CADPS2: variants seen among roughly 807,000 people sequenced by gnomAD.
The protein encoded by CADPS2 is calcium-dependent secretion activator 2.
A neutral mutation model predicts 172.5 loss-of-function variants in CADPS2; 93 were observed. The observed-to-expected ratio is 0.54, with a 90% CI of 0.46 to 0.64. CADPS2 has a LOEUF of 0.64. CADPS2 is among the 30% of genes least tolerant of loss of function. The pLI is 0.00. For synonymous variants in CADPS2, 546 were observed against 555.2 expected, an observed-to-expected ratio of 0.98 and a Z score of 0.23; for missense variants, 1,420 against 1,565.9, an observed-to-expected ratio of 0.91 and a Z score of 1.57.
At chr7:122,515,287 GT>G (rs1174598717) in intron 8 of CADPS2, among the ~76,000 whole-genome samples, 1 of 151,956 alleles carries the variant, frequency 6.6e-6, no homozygotes, top group Non-Finnish European at 1.5e-5. Flanking sequence ...CCTGTTCATT[GT>G]TTTTTCTCAA....
chr7:122,663,186 G>A (rs1189149962), intron 3 of CADPS2, 51 bp downstream of exon 3: 26 of 1,302,300 alleles, frequency 2.0e-5, no homozygotes, highest in African/African-American at 4.4e-5. Context: ...AATACTTCAT[G>A]TTCATTCCAC....
intron 2 of CADPS2, among the ~76,000 whole-genome samples, chr7:122,707,563 A>G (rs1396994743): frequency 6.6e-6 from 1 of 152,036 alleles, no homozygotes; most frequent in African/African-American, 2.4e-5. Context: ...ATCCAGAGCT[A>G]TAATATCATG....
chr7:122,879,160 G>A (rs995598064), intron 1 of CADPS2, among the ~76,000 whole-genome samples: 20 of 151,242 alleles, frequency 1.3e-4, no homozygotes, highest in Non-Finnish European at 2.1e-4. Flanking sequence ...TCAGTTGAAC[G>A]CGGGAGGCAG....
At chr7:122,527,928 GAACCTAAATGATTCTCT>G (rs2061408576) in intron 8 of CADPS2, among the ~76,000 whole-genome samples, 1 of 152,066 alleles carries the variant, frequency 6.6e-6, no homozygotes, top group Admixed American at 6.6e-5. Flanking sequence ...GAAAGAGAGA[GAACCTAAATGATTCTCT>G]AAATGGCTAA....
At chr7:122,764,282 C>T (rs1424769059) in intron 1 of CADPS2, among the ~76,000 whole-genome samples, 1 of 152,102 alleles carries the variant, frequency 6.6e-6, no homozygotes, top group Non-Finnish European at 1.5e-5. Context: ...AGTAAATTTC[C>T]TGTCTTACTT....
chr7:122,584,185 A>G (rs1226696095), intron 6 of CADPS2, among the ~76,000 whole-genome samples: 1 of 151,898 alleles, frequency 6.6e-6, no homozygotes, highest in East Asian at 1.9e-4. Context: ...TCAAAAAATG[A>G]TAATTATCTG....
chr7:122,385,536 C>T (rs2151419032), intron 24 of CADPS2, among the ~76,000 whole-genome samples: 1 of 152,066 alleles, frequency 6.6e-6, no homozygotes, highest in Admixed American at 6.6e-5. Flanking sequence ...TAAGATGTAA[C>T]TTACCTACAG....
At chr7:122,481,010 A>G in intron 11 of CADPS2, 150 bp from the exon 12 acceptor site, 1 of 624,290 alleles carries the variant, frequency 1.6e-6, no homozygotes, top group Non-Finnish European at 2.5e-6. Context: ...AGGAAAGAAA[A>G]CAAAAATTGA....
At chr7:122,853,818 G>A (rs1347738734) in intron 1 of CADPS2, among the ~76,000 whole-genome samples, 1 of 152,190 alleles carries the variant, frequency 6.6e-6, no homozygotes, top group African/African-American at 2.4e-5. Flanking sequence ...GCGAAAAGCG[G>A]ATGTGGGGAA....
intron 1 of CADPS2, among the ~76,000 whole-genome samples, chr7:122,829,810 C>T (rs939806497): frequency 2.0e-5 from 3 of 152,102 alleles, no homozygotes; most frequent in Non-Finnish European, 4.4e-5. Context: ...CAATATCCTT[C>T]TATGGTGCCT....
At chr7:122,419,480 T>C (rs1030784361) in intron 17 of CADPS2, among the ~76,000 whole-genome samples, 1 of 152,146 alleles carries the variant, frequency 6.6e-6, no homozygotes, top group African/African-American at 2.4e-5. Context: ...ATTTCTCCAT[T>C]TTTAGATGAA....
At chr7:122,728,614 G>T (rs984702652) in intron 2 of CADPS2, among the ~76,000 whole-genome samples, 3 of 151,714 alleles carry the variant, frequency 2.0e-5, no homozygotes, top group East Asian at 3.9e-4. Flanking sequence ...TTACAGTTTT[G>T]GGGGACTGCA....
intron 1 of CADPS2, among the ~76,000 whole-genome samples, chr7:122,820,089 T>C (rs950513042): frequency 6.6e-6 from 1 of 152,192 alleles, no homozygotes; most frequent in African/African-American, 2.4e-5. Context: ...TTGTTTTGCC[T>C]ATCCACCCTG....
chr7:122,706,844 A>T (rs570180579), intron 2 of CADPS2, among the ~76,000 whole-genome samples: 2 of 146,076 alleles, frequency 1.4e-5, no homozygotes, highest in South Asian at 4.4e-4. Context: ...ACACACACAC[A>T]TTTTTTTTTT....
At chr7:122,654,847 T>C (rs1394199107) in intron 3 of CADPS2, among the ~76,000 whole-genome samples, 1 of 152,226 alleles carries the variant, frequency 6.6e-6, no homozygotes, top group African/African-American at 2.4e-5. Flanking sequence ...TGGAAAACTT[T>C]CTGGAAAGGA....
At position 122,711,039 on chromosome 7, in the gene CADPS2, C is replaced by T. The variant is rs926703964; in HGVS notation, c.453+25916G>A. On this transcript the variant is annotated intron_variant, in intron 2 of 29. Transcript: ENST00000449022. ...TTATAATCTATGCTTTATACAACTA[C>T]TCACTTTTTTAAAGAAAGAGAACAG... Among the ~76,000 whole-genome samples the T allele has an allele frequency of 4.6e-5, 7 of 152,194 alleles. No individual in the cohort carries two copies. The South Asian group carries it at 1.2e-3, about 27-fold the overall frequency.
At chr7:122,508,448 A>ATTTTTTTTTTTT in intron 9 of CADPS2, among the ~76,000 whole-genome samples, 1 of 108,274 alleles carries the variant, frequency 9.2e-6, no homozygotes. Context: ...TATTCATTTA[A>ATTTTTTTTTTTT]GTTTTTTTTT....
chr7:122,822,061 A>C (rs1045166923), intron 1 of CADPS2, among the ~76,000 whole-genome samples: 10 of 151,916 alleles, frequency 6.6e-5, no homozygotes, highest in African/African-American at 1.7e-4. Context: ...TCTTGTTTAC[A>C]CTGCCGGTTT....
chr7:122,658,058 C>G (rs1282397093), intron 3 of CADPS2, among the ~76,000 whole-genome samples: 2 of 152,106 alleles, frequency 1.3e-5, no homozygotes, highest in Admixed American at 6.6e-5. Flanking sequence ...AAACAAACAA[C>G]CCCATCAAAA....
Sources: allele counts gnomAD v4.1 joint callset (sites outside exome capture counted in the v4.1 genomes callset), GRCh38; gene constraint gnomAD v4.1.1; transcripts MANE v1.5; gene names NCBI Gene and HGNC (gene_info 2026-07-23, HGNC 2026-07-21).